Variants in RELN observed in about 807,000 individuals in gnomAD.
The protein encoded by RELN is reelin.
A neutral mutation model predicts 427.6 loss-of-function variants in RELN; 108 were observed. The ratio of observed to expected loss-of-function variants is 0.25; its 90% CI spans 0.22 to 0.30. RELN has a LOEUF of 0.30. Among genes scored for constraint, RELN ranks in the 10% least tolerant of loss-of-function variants. The probability of loss-of-function intolerance (pLI) is 1.00; values close to 1 mark genes in which losing one functional copy is unlikely to be tolerated. For synonymous variants in RELN, 1,524 were observed against 1,513.4 expected, an observed-to-expected ratio of 1.01 and a Z score of -0.16; for missense variants, 3,715 against 4,302.8, an observed-to-expected ratio of 0.86 and a Z score of 3.82.
intron 13 of RELN, 74 bp downstream of exon 13, chr7:103,654,019 C>A: frequency 1.2e-6 from 1 of 847,182 alleles, no homozygotes; most frequent in South Asian, 1.3e-5. Context: ...CTGGAGTGGT[C>A]TTTGTGGTTT....
intron 57 of RELN, 112 bp downstream of exon 57, chr7:103,495,611 C>A: frequency 9.6e-7 from 1 of 1,041,932 alleles, no homozygotes; most frequent in East Asian, 2.4e-5. Context: ...AAGATAAAGT[C>A]TTTTTTAATG....
At position 103,561,890 on chromosome 7, in the gene RELN, C is replaced by A. The variant is rs139102992; in HGVS notation, c.5274G>T (p.Ala1758=). 459 of 1,611,966 alleles carry A rather than the reference C, an allele frequency of 2.8e-4. 1 individual carries two copies. Among genetic ancestry groups the A allele is most frequent in the Non-Finnish European group, 3.7e-4 (434 of 1,179,618 alleles). ...ANYTVGADSW[A]IDNVVLASGC... The stretch of plus-strand genomic sequence containing the variant: ...CTGAGGCCAGTACAACATTATCAAT[C>A]GCCCAGGAATCAGCCCCCACAGTGT... Residue 1758 remains alanine (A), a synonymous_variant, in exon 35 of 65, where the codon GCG becomes GCT. Coordinates refer to ENST00000428762, the MANE Select transcript of RELN (RefSeq NM_005045.4).
intron 41 of RELN, among the ~76,000 whole-genome samples, chr7:103,550,688 T>C (rs1337909440): frequency 1.3e-5 from 2 of 151,656 alleles, no homozygotes. Context: ...ACACTCTCCC[T>C]GCATGACAGA....
intron 6 of RELN, among the ~76,000 whole-genome samples, chr7:103,748,854 C>T (rs10267191): frequency 0.032 from 4,822 of 152,222 alleles, 262 homozygotes; most frequent in African/African-American, 0.11. Context: ...AACTCTGGGT[C>T]GATAGACCTA....
chr7:103,826,356 GTGTA>G (rs1793141415), intron 3 of RELN, among the ~76,000 whole-genome samples: 2 of 148,670 alleles, frequency 1.3e-5, no homozygotes, highest in Admixed American at 6.8e-5. Context: ...GTGTGTGTGT[GTGTA>G]TACACATACA....
chr7:103,502,852 C>G (rs1303299763), intron 52 of RELN, among the ~76,000 whole-genome samples, 164 bp downstream of exon 52: 1 of 152,162 alleles, frequency 6.6e-6, no homozygotes, highest in Non-Finnish European at 1.5e-5. Context: ...GTTAGCTCAT[C>G]ATGGAAGTTA....
chr7:103,616,687 T>G (rs1401410557), intron 20 of RELN, among the ~76,000 whole-genome samples: 1 of 152,168 alleles, frequency 6.6e-6, no homozygotes, highest in African/African-American at 2.4e-5. Context: ...TAAAAAATTA[T>G]GAAATCATAA....
At position 103,603,467 on chromosome 7, in the gene RELN, G is replaced by T. The variant is rs547912865; in HGVS notation, c.3170C>A (p.Thr1057Asn). The T allele has an allele frequency of 4.3e-6, 7 of 1,613,744 alleles. No homozygotes were observed. In the South Asian group the frequency reaches 7.7e-5, roughly 18 times the overall value. Residue 1057 changes from threonine (T) to asparagine (N), a missense_variant, in exon 24 of 65, where the codon ACT becomes AAT. Transcript: ENST00000428762. The surrounding 1 kb of genome is among the most constrained non-coding windows in gnomAD (Gnocchi z 4.3). ...AAGGGCAGCTTCTGGGTGGCATTCA[G>T]TGCCTTGGTACCCCTGGTCACACCT... is the stretch of plus-strand genomic sequence containing the variant. ...ICRCDQGYQG[T>N]ECHPEAALPS... is the part of the protein sequence containing the mutation.
rs990552484 is a variant in RELN at position 103,951,920 on chromosome 7, G to A, written c.227-34735C>T. ...ACTCCTGACCTCAGGTGATCCACCC[G>A]TCTTGGCCTCCCAAAGTGCTGGGAT... On this transcript the variant is annotated intron_variant, in intron 1 of 64. Coordinates refer to ENST00000428762, the MANE Select transcript of RELN (RefSeq NM_005045.4). Among the ~76,000 whole-genome samples, 8 of 152,192 alleles carry A rather than the reference G, an allele frequency of 5.3e-5. No homozygotes were observed. In the East Asian group the frequency reaches 9.6e-4, roughly 18 times the overall value.
At chr7:103,763,583 A>G (rs79901325) in intron 4 of RELN, among the ~76,000 whole-genome samples, 4,205 of 152,306 alleles carry the variant, frequency 0.028, 222 homozygotes, top group African/African-American at 0.097. Flanking sequence ...GCGCAACTTC[A>G]TCAGTTAGAC....
chr7:103,642,566 C>T (rs720078), intron 16 of RELN, among the ~76,000 whole-genome samples: 20,517 of 151,990 alleles, frequency 0.13, 1,488 homozygotes, highest in Middle Eastern at 0.3. Context: ...CTTTCCCATT[C>T]TACTCAAAGC....
Position 103,631,286 on chromosome 7 carries a change from C to CTTTTTTTTTTTTTTT in RELN, c.2466-1125_2466-1111dup, listed in dbSNP as rs545808640. ...CAGAAATAAAACTTTAAAAACACTT[C>CTTTTTTTTTTTTTTT]TTTTTTTTTTTTTTTTTTTTTTTTT... On this transcript the variant is annotated intron_variant, in intron 19 of 64. Transcript: ENST00000428762. Among the ~76,000 whole-genome samples, 19 of 77,810 alleles carry CTTTTTTTTTTTTTTT rather than the reference C, an allele frequency of 2.4e-4. 1 individual carries two copies. The highest frequency in any genetic ancestry group is 9.5e-4 in the African/African-American group (19 of 20,028). 51.0% of individuals were successfully genotyped at this position (77,810 alleles called of 152,430 possible).
At chr7:103,565,202 G>A in intron 34 of RELN, 76 bp downstream of exon 34, 1 of 1,515,448 alleles carries the variant, frequency 6.6e-7, no homozygotes, top group South Asian at 1.1e-5. Flanking sequence ...AGAATCCCCA[G>A]GCCGAATCAC....
At chr7:103,867,848 A>AT (rs200158159) in intron 2 of RELN, among the ~76,000 whole-genome samples, 1,945 of 152,142 alleles carry the variant, frequency 0.013, 26 homozygotes, top group Non-Finnish European at 0.019. Context: ...TGATAAAACA[A>AT]TGTGTACCAA....
intron 8 of RELN, among the ~76,000 whole-genome samples, chr7:103,718,951 G>C (rs547509275): frequency 1.1e-4 from 17 of 152,176 alleles, no homozygotes; most frequent in Non-Finnish European, 1.6e-4. Context: ...TCAAGGAAGT[G>C]ACAAAGAACC....
At chr7:103,598,719 G>GT (rs1176712699) in intron 24 of RELN, among the ~76,000 whole-genome samples, 2 of 152,166 alleles carry the variant, frequency 1.3e-5, no homozygotes, top group Non-Finnish European at 2.9e-5. Context: ...CACTGAAAGT[G>GT]TTTTTTCCTA....
chr7:103,483,046 C>A, intron 62 of RELN, 75 bp from the exon 63 acceptor site: 1 of 1,116,016 alleles, frequency 9.0e-7, no homozygotes, highest in South Asian at 1.2e-5. Flanking sequence ...TTCTAGATGT[C>A]AAATATTATA....
chr7:103,543,734 T>A (rs897799665), intron 42 of RELN, among the ~76,000 whole-genome samples: 2 of 113,032 alleles, frequency 1.8e-5, no homozygotes, highest in East Asian at 4.0e-4. Context: ...TCCGATTTCG[T>A]TTATTTATTT....
chr7:103,486,061 C>T (rs752752132), intron 61 of RELN, 136 bp downstream of exon 61: 193 of 813,448 alleles, frequency 2.4e-4, no homozygotes, highest in Non-Finnish European at 3.6e-4. Context: ...TTCCTTGTCC[C>T]AAATTCAAAT....
Sources: allele counts gnomAD v4.1 joint callset (sites outside exome capture counted in the v4.1 genomes callset), GRCh38; gene constraint gnomAD v4.1.1; non-coding constraint Gnocchi (gnomAD v3.1); transcripts MANE v1.5; gene names NCBI Gene and HGNC (gene_info 2026-07-23, HGNC 2026-07-21).